The following SYNE2 variants were observed in gnomAD, a reference collection of about 807,000 sequenced individuals.
SYNE2 encodes the protein nesprin-2.
SYNE2 carries 431 observed loss-of-function variants against 856.3 expected under a neutral mutation model. The observed-to-expected ratio is 0.50, with a 90% CI of 0.47 to 0.55. The LOEUF (loss-of-function observed/expected upper bound fraction) is 0.55. Among genes scored for constraint, SYNE2 ranks in the 20% least tolerant of loss-of-function variants. The pLI is 0.00. For synonymous variants in SYNE2, 2,923 were observed against 2,872.3 expected (o/e 1.02, Z -0.56); for missense variants, 8,129 against 8,023.2 (o/e 1.01, Z -0.50).
At chr14:64,134,586 G>A (rs987569881) in intron 78 of SYNE2, among the ~76,000 whole-genome samples, 2 of 152,112 alleles carry the variant, frequency 1.3e-5, no homozygotes, top group Admixed American at 6.6e-5. Context: ...GTCAGCCTTC[G>A]GCCTCTAAAC....
chr14:64,162,064 A>C lies in SYNE2; in HGVS notation c.16095-8A>C, dbSNP rs767650378. Reference sequence around the variant, plus strand: ...ATGAGGGTTATGTTATTTGCGTTGCACTGACAGGTGGACTCAGGTGAACCA... The same window carrying C: ...ATGAGGGTTATGTTATTTGCGTTGCCCTGACAGGTGGACTCAGGTGAACCA... On this transcript the variant is annotated splice_region_variant and splice_polypyrimidine_tract_variant and intron_variant, in intron 87 of 115. Coordinates refer to ENST00000555002, the MANE Select transcript of SYNE2 (RefSeq NM_182914.3). 1.2e-6 allele frequency: 2 copies of C among 1,614,158 alleles called. No individual in the cohort carries two copies.
intron 34 of SYNE2, among the ~76,000 whole-genome samples, chr14:64,017,966 C>T (rs761882167): frequency 1.3e-5 from 2 of 152,126 alleles, no homozygotes; most frequent in Non-Finnish European, 2.9e-5. Flanking sequence ...ATTGCTAGAT[C>T]TTGTTATATA....
intron 45 of SYNE2, among the ~76,000 whole-genome samples, chr14:64,047,248 C>T (rs915958963): frequency 1.1e-4 from 16 of 152,150 alleles, no homozygotes; most frequent in African/African-American, 3.1e-4. Flanking sequence ...CCTCCTCTAC[C>T]GACTGAGTCT....
intron 1 of SYNE2, among the ~76,000 whole-genome samples, chr14:63,853,403 G>C (rs1595182809): frequency 6.6e-6 from 1 of 151,622 alleles, no homozygotes; most frequent in Admixed American, 6.5e-5. Flanking sequence ...GCGCCAGCGG[G>C]TGGCGTTTGT....
Position 64,212,804 on chromosome 14 carries a change from T to A in SYNE2, c.18862-7T>A. 3 of 1,614,066 alleles carry A rather than the reference T, an allele frequency of 1.9e-6. No individual in the cohort carries two copies. Among genetic ancestry groups the A allele is most frequent in the Non-Finnish European group, 2.5e-6 (3 of 1,179,886 alleles). On this transcript the variant is annotated splice_polypyrimidine_tract_variant and splice_region_variant and intron_variant, in intron 104 of 115. Coordinates refer to ENST00000555002, the MANE Select transcript of SYNE2 (RefSeq NM_182914.3). ...TTTGAAATCCTTTCTTTCTCCTCTCTCAACAGGGCTTCCAACAGGAAATTA... is the reference window on the plus strand; with the variant it reads ...TTTGAAATCCTTTCTTTCTCCTCTCACAACAGGGCTTCCAACAGGAAATTA...
At chr14:63,787,666 A>G (rs1887586573) in intron 1 of SYNE2, among the ~76,000 whole-genome samples, 1 of 152,196 alleles carries the variant, frequency 6.6e-6, no homozygotes, top group South Asian at 2.1e-4. Flanking sequence ...TGCAACTGGT[A>G]GTCCCATGAT....
chr14:63,875,749 G>A (rs1439113815), intron 1 of SYNE2, among the ~76,000 whole-genome samples: 2 of 152,120 alleles, frequency 1.3e-5, no homozygotes, highest in East Asian at 1.9e-4. Context: ...TTGAAATGCC[G>A]ATATTTATAG....
chr14:63,771,066 CTTTTTTTTTT>C lies in SYNE2; in HGVS notation c.-305+9092_-305+9101del, dbSNP rs770101693. ...AGAGTCACAGAAACCCTTATACACT[CTTTTTTTTTT>C]TTTTTTTTTTTGAGACGGAGTCTCG... On this transcript the variant is annotated intron_variant, in intron 1 of 23. Transcript: ENST00000674003. Among the ~76,000 whole-genome samples the C allele has an allele frequency of 4.5e-3, 528 of 116,302 alleles. 2 individuals carry two copies. Among genetic ancestry groups the C allele is most frequent in the Non-Finnish European group, 6.9e-3 (405 of 58,634 alleles). 76.3% of individuals were successfully genotyped at this position (116,302 alleles called of 152,430 possible). A position where few individuals can be genotyped will look rare whatever the true frequency, so the allele number is the denominator to read the frequency against.
intron 1 of SYNE2, among the ~76,000 whole-genome samples, chr14:63,902,793 A>G (rs2095356432): frequency 6.6e-6 from 1 of 151,892 alleles, no homozygotes; most frequent in African/African-American, 2.4e-5. Flanking sequence ...TCCTGGCCTC[A>G]AGTGAGGTGG....
At position 63,995,202 on chromosome 14, in the gene SYNE2, G is replaced by A. The variant is rs559579030; in HGVS notation, c.2940G>A (p.Glu980=). ...GRTKGLIKEH[E]ACFSEEGCLY... is the part of the protein sequence containing the mutation. The stretch of plus-strand genomic sequence containing the variant: ...CCAAGGGTCTCATCAAAGAACATGA[G>A]GTACAATAAAGTGTTTCCACTTAAA... The change falls in exon 23 of 116, where the codon GAG becomes GAA. Residue 980 remains glutamate, a splice_region_variant and synonymous_variant. Transcript: ENST00000555002. The A allele has an allele frequency of 1.2e-6, 2 of 1,604,814 alleles. No individual in the cohort carries two copies. Among genetic ancestry groups the A allele is most frequent in the South Asian group, 1.1e-5 (1 of 90,434 alleles).
chr14:63,894,048 T>TA, intron 1 of SYNE2, among the ~76,000 whole-genome samples: 1 of 152,232 alleles, frequency 6.6e-6, no homozygotes, highest in Non-Finnish European at 1.5e-5. Context: ...CGAGCCAAGT[T>TA]ACCCAATGAC....
At chr14:63,825,648 T>C (rs368229166) in intron 1 of SYNE2, among the ~76,000 whole-genome samples, 5 of 152,172 alleles carry the variant, frequency 3.3e-5, no homozygotes, top group Admixed American at 6.6e-5. Context: ...CCGAGGCAGA[T>C]GGATCACCTG....
intron 21 of SYNE2, among the ~76,000 whole-genome samples, chr14:63,991,586 G>C (rs1003117751): frequency 2.6e-5 from 4 of 152,084 alleles, no homozygotes; most frequent in Non-Finnish European, 5.9e-5. Context: ...TATAGTTAAA[G>C]ACCCAATAAT....
intron 18 of SYNE2, 45 bp downstream of exon 18, chr14:63,983,931 AT>A: frequency 7.3e-7 from 1 of 1,370,586 alleles, no homozygotes; most frequent in South Asian, 1.3e-5. Context: ...AATAGAAATA[AT>A]TTAACTTTGC....
chr14:63,925,180 G>C (rs1250143471), intron 2 of SYNE2, among the ~76,000 whole-genome samples: 2 of 152,030 alleles, frequency 1.3e-5, no homozygotes, highest in Non-Finnish European at 2.9e-5. Flanking sequence ...CAGCCAGCCA[G>C]GTGTGGTGGC....
chr14:63,891,467 T>C (rs1405419127), intron 1 of SYNE2, among the ~76,000 whole-genome samples: 2 of 152,136 alleles, frequency 1.3e-5, no homozygotes, highest in Non-Finnish European at 2.9e-5. Context: ...ATGGGAATTG[T>C]TAAGAGACAT....
At chr14:63,979,884 C>T (rs758204524) in intron 14 of SYNE2, among the ~76,000 whole-genome samples, 13 of 151,252 alleles carry the variant, frequency 8.6e-5, no homozygotes, top group Non-Finnish European at 1.5e-4. Context: ...CCAGCCTGGG[C>T]GACAGAGCAA....
At chr14:63,853,496 C>A (rs1327783422) in intron 1 of SYNE2, among the ~76,000 whole-genome samples, 4 of 151,674 alleles carry the variant, frequency 2.6e-5, no homozygotes, top group African/African-American at 9.7e-5. Context: ...GAGGCTGTGC[C>A]CGGGTGCCCC....
At chr14:64,180,902 T>A (rs1025721356) in intron 96 of SYNE2, among the ~76,000 whole-genome samples, 1 of 152,228 alleles carries the variant, frequency 6.6e-6, no homozygotes, top group African/African-American at 2.4e-5. Flanking sequence ...ACTGCCTTTT[T>A]CTAATTATAT....
Sources: allele counts gnomAD v4.1 joint callset (sites outside exome capture counted in the v4.1 genomes callset), GRCh38; gene constraint gnomAD v4.1.1; transcripts MANE v1.5; gene names NCBI Gene and HGNC (gene_info 2026-07-23, HGNC 2026-07-21).